CDH12: variants seen among roughly 807,000 people sequenced by gnomAD.
CDH12 encodes cadherin-12.
Under a neutral mutation model 74.1 loss-of-function variants are expected in CDH12, and 41 were observed. The observed-to-expected ratio is 0.55, with a 90% CI of 0.43 to 0.72. CDH12 has a LOEUF of 0.72. Among genes scored for constraint, CDH12 ranks in the 30% least tolerant of loss-of-function variants. The pLI is 0.00. For missense variants in CDH12, 945 were observed against 977.2 expected (o/e 0.97, Z 0.44); for synonymous variants, 399 against 355.0 (o/e 1.12, Z -1.39).
At chr5:22,848,376 T>C (rs1737402131) in intron 1 of CDH12, among the ~76,000 whole-genome samples, 1 of 152,206 alleles carries the variant, frequency 6.6e-6, no homozygotes, top group South Asian at 2.1e-4. Context: ...TTACCTAATG[T>C]GGTGCCAGAT....
At chr5:22,345,171 T>C (rs962886057) in intron 3 of CDH12, among the ~76,000 whole-genome samples, 1 of 152,210 alleles carries the variant, frequency 6.6e-6, no homozygotes, top group Non-Finnish European at 1.5e-5. Context: ...ACTCTTTTAT[T>C]AATGCGACTC....
intron 6 of CDH12, among the ~76,000 whole-genome samples, chr5:21,876,878 A>T (rs1426881410): frequency 6.6e-6 from 1 of 152,192 alleles, no homozygotes; most frequent in African/African-American, 2.4e-5. Flanking sequence ...TATGCCCTTT[A>T]TACATGCTGT....
chr5:22,030,749 A>G (rs981209153), intron 5 of CDH12, among the ~76,000 whole-genome samples: 5 of 152,184 alleles, frequency 3.3e-5, no homozygotes, highest in South Asian at 2.1e-4. Flanking sequence ...AGTCCAAGAT[A>G]GCCTCTTCTT....
At chr5:21,951,835 A>G (rs1224655777) in intron 6 of CDH12, among the ~76,000 whole-genome samples, 2 of 152,220 alleles carry the variant, frequency 1.3e-5, no homozygotes, top group Non-Finnish European at 2.9e-5. Flanking sequence ...AATAGCAGGA[A>G]AGAACAAATT....
chr5:22,225,405 T>C (rs1171758983), intron 3 of CDH12, among the ~76,000 whole-genome samples: 3 of 152,048 alleles, frequency 2.0e-5, no homozygotes, highest in Non-Finnish European at 2.9e-5. Context: ...GGATAAATGA[T>C]GAATTGAAGA....
intron 3 of CDH12, among the ~76,000 whole-genome samples, chr5:22,294,559 C>T (rs551564159): frequency 2.1e-4 from 32 of 152,222 alleles, no homozygotes; most frequent in Middle Eastern, 3.4e-3. Flanking sequence ...TAGATAAATT[C>T]GAAATCTTAG....
chr5:22,697,334 G>A (rs1272399677), intron 1 of CDH12, among the ~76,000 whole-genome samples: 1 of 152,048 alleles, frequency 6.6e-6, no homozygotes, highest in Non-Finnish European at 1.5e-5. Context: ...CACTTTGGGA[G>A]GCCGAGGCGG....
At chr5:22,678,345 C>A (rs1220301406) in intron 1 of CDH12, among the ~76,000 whole-genome samples, 1 of 152,050 alleles carries the variant, frequency 6.6e-6, no homozygotes, top group African/African-American at 2.4e-5. Context: ...CTGTCAAAAA[C>A]CACAGAAATA....
chr5:21,895,948 C>G (rs1308462797), intron 6 of CDH12, among the ~76,000 whole-genome samples: 1 of 152,120 alleles, frequency 6.6e-6, no homozygotes, highest in East Asian at 1.9e-4. Flanking sequence ...GGCTGCAACC[C>G]AAGCACCAGG....
chr5:21,959,932 A>T (rs867698328), intron 6 of CDH12, among the ~76,000 whole-genome samples: 194 of 106,374 alleles, frequency 1.8e-3, no homozygotes, highest in African/African-American at 6.0e-3. Flanking sequence ...CTCAAAAAAA[A>T]AAAAAAAAAA....
intron 5 of CDH12, among the ~76,000 whole-genome samples, chr5:22,005,801 T>C (rs1396196665): frequency 6.6e-6 from 1 of 152,196 alleles, no homozygotes; most frequent in Non-Finnish European, 1.5e-5. Context: ...AGTCCTTCAA[T>C]TATTTTTTCC....
chr5:22,737,424 CTTTT>C (rs1473920385), intron 1 of CDH12, among the ~76,000 whole-genome samples: 2 of 151,946 alleles, frequency 1.3e-5, no homozygotes, highest in Admixed American at 1.3e-4. Flanking sequence ...TTCAGAAACA[CTTTT>C]TTTAGCTTTC....
At chr5:22,565,955 G>T (rs560320449) in intron 1 of CDH12, among the ~76,000 whole-genome samples, 1 of 152,188 alleles carries the variant, frequency 6.6e-6, no homozygotes, top group Non-Finnish European at 1.5e-5. Context: ...ATGAGATCTT[G>T]GATCCAAGCA....
At chr5:22,174,037 C>T (rs187020135) in intron 4 of CDH12, among the ~76,000 whole-genome samples, 15 of 151,990 alleles carry the variant, frequency 9.9e-5, no homozygotes, top group African/African-American at 2.2e-4. Flanking sequence ...TGATTTGTAA[C>T]GCATGCAATG....
chr5:22,473,906 A>T (rs1746065206), intron 2 of CDH12, among the ~76,000 whole-genome samples: 1 of 152,158 alleles, frequency 6.6e-6, no homozygotes, highest in African/African-American at 2.4e-5. Flanking sequence ...CTGAGTATAG[A>T]ATAAAACCCT....
At chr5:22,625,480 G>A (rs1032286010) in intron 1 of CDH12, among the ~76,000 whole-genome samples, 3 of 152,210 alleles carry the variant, frequency 2.0e-5, no homozygotes, top group Admixed American at 6.5e-5. Context: ...GGTGGCAGGG[G>A]AAGGATGCCA....
intron 6 of CDH12, among the ~76,000 whole-genome samples, chr5:21,924,114 T>G (rs2150074589): frequency 6.6e-6 from 1 of 152,222 alleles, no homozygotes; most frequent in South Asian, 2.1e-4. Flanking sequence ...GACTCAAACT[T>G]GGAAATAGAA....
At chr5:22,621,172 A>G (rs72637724) in intron 1 of CDH12, among the ~76,000 whole-genome samples, 9,988 of 152,176 alleles carry the variant, frequency 0.066, 433 homozygotes, top group East Asian at 0.24. Flanking sequence ...GCATCTACCA[A>G]TCTCTCCGAG....
At chr5:21,883,572 G>C in intron 6 of CDH12, 1 of 1,606,326 alleles carries the variant, frequency 6.2e-7, no homozygotes, top group Admixed American at 1.7e-5. Flanking sequence ...GTTTGGAGAA[G>C]AGGGGTTGAC....
Sources: allele counts gnomAD v4.1 joint callset (sites outside exome capture counted in the v4.1 genomes callset), GRCh38; gene constraint gnomAD v4.1.1; transcripts MANE v1.5; gene names NCBI Gene and HGNC (gene_info 2026-07-23, HGNC 2026-07-21).